The following CBFA2T2 variants were observed in gnomAD, a reference collection of about 807,000 sequenced individuals.
The protein encoded by CBFA2T2 is CBFA2/RUNX1 partner transcriptional co-repressor 2.
Under a neutral mutation model 62.2 loss-of-function variants are expected in CBFA2T2, and 11 were observed. The observed-to-expected ratio is 0.18, with a 90% CI of 0.11 to 0.29. The LOEUF is 0.29. CBFA2T2 is among the 10% of genes least tolerant of loss of function. The pLI is 1.00. For missense variants in CBFA2T2, 592 were observed against 774.1 expected, an observed-to-expected ratio of 0.76 and a Z score of 2.79; for synonymous variants, 295 against 287.5, an observed-to-expected ratio of 1.03 and a Z score of -0.27.
At chr20:33,558,613 C>T (rs966390862) in intron 1 of CBFA2T2, among the ~76,000 whole-genome samples, 2 of 151,950 alleles carry the variant, frequency 1.3e-5, no homozygotes, top group African/African-American at 2.4e-5. Context: ...TTTGCTCAAT[C>T]GTATTGTTTT....
At chr20:33,634,737 A>T (rs1344004479) in intron 8 of CBFA2T2, among the ~76,000 whole-genome samples, 1 of 151,708 alleles carries the variant, frequency 6.6e-6, no homozygotes, top group African/African-American at 2.4e-5. Context: ...ATAAGCAGGC[A>T]AGTTTGGGAA....
At chr20:33,531,727 C>T (rs1049934096) in intron 1 of CBFA2T2, among the ~76,000 whole-genome samples, 1 of 152,200 alleles carries the variant, frequency 6.6e-6, no homozygotes, top group Non-Finnish European at 1.5e-5. Context: ...TTTTCTGAAT[C>T]AGACATTGTG....
rs1190380838 is a variant in CBFA2T2, at chr20:33,649,929, CTG to C, written c.*5286_*5287del. 1 of 152,610 alleles carries C rather than the reference CTG, an allele frequency of 6.6e-6. No homozygotes were observed. Among genetic ancestry groups the C allele is most frequent in the East Asian group, 1.9e-4 (1 of 5,204 alleles). The allele number at this position is 152,610 out of a possible 1,614,324, so 9.5% of individuals were successfully genotyped here. ...TGATAGGAATTTTTGTTACCTAACT[CTG>C]TGCATAACTTATTTAATGTACTGTA... On this transcript the variant is annotated 3_prime_UTR_variant, in exon 11 of 11. Coordinates refer to ENST00000342704, the MANE Select transcript of CBFA2T2 (RefSeq NM_001032999.3).
intron 3 of CBFA2T2, among the ~76,000 whole-genome samples, chr20:33,613,062 G>C (rs2015585145): frequency 6.6e-6 from 1 of 152,212 alleles, no homozygotes; most frequent in Non-Finnish European, 1.5e-5. Flanking sequence ...GACAGAGTGA[G>C]ACCCTATCTC....
At chr20:33,579,134 G>A (rs1036674263) in intron 1 of CBFA2T2, among the ~76,000 whole-genome samples, 1 of 145,258 alleles carries the variant, frequency 6.9e-6, no homozygotes, top group Non-Finnish European at 1.5e-5. Context: ...TTTTTTTAAG[G>A]AAAGCGTCTC....
Position 33,644,469 on chromosome 20 carries a change from C to A in CBFA2T2, c.1611C>A (p.Asn537Lys). 6.2e-7 allele frequency: 1 copy of A among 1,614,236 alleles called. No individual in the cohort carries two copies. The highest frequency in any genetic ancestry group is 8.5e-7 in the Non-Finnish European group (1 of 1,180,050). ...GGCACCACCGCCTCTGTGGTCAGAA[C>A]CTGCATGGCCAGAGCCCCCACGGCC... ...WERHHRLCGQNLHGQSPHGQG... is the reference protein window; with the variant it reads ...WERHHRLCGQKLHGQSPHGQG... The change falls in exon 11 of 11, where the codon AAC (asparagine) becomes AAA (lysine). Residue 537 changes from asparagine (N) to lysine (K), a missense_variant. Coordinates refer to ENST00000342704, the MANE Select transcript of CBFA2T2 (RefSeq NM_001032999.3).
intron 1 of CBFA2T2, among the ~76,000 whole-genome samples, chr20:33,579,793 C>A (rs1464171806): frequency 6.7e-6 from 1 of 148,940 alleles, no homozygotes; most frequent in Non-Finnish European, 1.5e-5. Flanking sequence ...CTTGGTACAT[C>A]TTGGTGTCTC....
At chr20:33,513,170 A>G (rs528147193) in intron 1 of CBFA2T2, among the ~76,000 whole-genome samples, 2 of 152,286 alleles carry the variant, frequency 1.3e-5, no homozygotes, top group Non-Finnish European at 2.9e-5. Flanking sequence ...GAGTTGTTCT[A>G]TCAGCCAATG....
Position 33,621,287 on chromosome 20 carries a change from C to CTTTTTTTTTTTTTTTTTTTTTTTTTT in CBFA2T2, c.510+1682_510+1707dup, listed in dbSNP as rs199805350. 8.8e-4 allele frequency among the ~76,000 whole-genome samples: 75 copies of CTTTTTTTTTTTTTTTTTTTTTTTTTT among 85,294 alleles called. 8 individuals carry two copies. Among genetic ancestry groups the CTTTTTTTTTTTTTTTTTTTTTTTTTT allele is most frequent in the East Asian group, 5.4e-3 (13 of 2,416 alleles). The allele number at this position is 85,294 out of a possible 152,430, so 56.0% of individuals were successfully genotyped here. A position where few individuals can be genotyped will look rare whatever the true frequency, so the allele number is the denominator to read the frequency against. ...TCTATAATACCTTTAATTTTACTGC[C>CTTTTTTTTTTTTTTTTTTTTTTTTTT]TTTTTTTTTTTTTTTTTTTTTTTTT... is the stretch of plus-strand genomic sequence containing the variant. On this transcript the variant is annotated intron_variant, in intron 4 of 10. Transcript: ENST00000342704.
intron 1 of CBFA2T2, among the ~76,000 whole-genome samples, chr20:33,495,784 A>G (rs549581389): frequency 1.1e-3 from 161 of 152,210 alleles, no homozygotes; most frequent in Non-Finnish European, 2.0e-3. Context: ...CTGGGAACCA[A>G]TCCTAACAAG....
chr20:33,563,853 G>C (rs2013182540), intron 1 of CBFA2T2, among the ~76,000 whole-genome samples: 1 of 152,096 alleles, frequency 6.6e-6, no homozygotes, highest in African/African-American at 2.4e-5. Context: ...TGTAGTTCTA[G>C]TTTTCAGGGC....
chr20:33,537,780 C>T (rs561498068), intron 1 of CBFA2T2, among the ~76,000 whole-genome samples: 75 of 152,024 alleles, frequency 4.9e-4, no homozygotes, highest in East Asian at 1.9e-4. Flanking sequence ...TGTCCTTGTA[C>T]CTTTGTCAAA....
intron 3 of CBFA2T2, 42 bp from the exon 4 acceptor site, chr20:33,619,475 A>G: frequency 8.7e-7 from 1 of 1,147,682 alleles, no homozygotes; most frequent in South Asian, 1.6e-5. Flanking sequence ...AAGTTTTGGA[A>G]GTCCAGTTTT....
At chr20:33,500,105 C>T (rs1382541955) in intron 1 of CBFA2T2, among the ~76,000 whole-genome samples, 1 of 151,952 alleles carries the variant, frequency 6.6e-6, no homozygotes, top group Non-Finnish European at 1.5e-5. Context: ...CTACAGGCGC[C>T]CGTCACCACA....
intron 1 of CBFA2T2, among the ~76,000 whole-genome samples, chr20:33,603,898 A>G (rs190497754): frequency 2.4e-4 from 36 of 152,316 alleles, no homozygotes; most frequent in Middle Eastern, 6.8e-3. Flanking sequence ...GGGACTTACT[A>G]TAATCCTGTG....
At chr20:33,501,630 C>CTTTTTTTTTTTTTTTTT (rs869281966) in intron 1 of CBFA2T2, among the ~76,000 whole-genome samples, 2 of 63,256 alleles carry the variant, frequency 3.2e-5, no homozygotes, top group African/African-American at 1.4e-4. Flanking sequence ...CTTAGCCTTC[C>CTTTTTTTTTTTTTTTTT]TTTTTTTTTT....
rs533907389 is a variant in CBFA2T2, at chr20:33,631,608, A to G, written c.1228+1694A>G. On this transcript the variant is annotated intron_variant, in intron 8 of 10. Transcript: ENST00000342704. The stretch of plus-strand genomic sequence containing the variant: ...TGGAGTCATTTAAACATGGCTATGC[A>G]TGACCACTACTCACCTTTCTCACCT... Among the ~76,000 whole-genome samples, 8 of 150,578 alleles carry G rather than the reference A, an allele frequency of 5.3e-5. No homozygotes were observed. The South Asian group carries it at 1.7e-3, about 31-fold the overall frequency.
intron 1 of CBFA2T2, among the ~76,000 whole-genome samples, chr20:33,541,814 A>T (rs540280146): frequency 6.6e-6 from 1 of 152,222 alleles, no homozygotes; most frequent in South Asian, 2.1e-4. Flanking sequence ...TGTGTTATGC[A>T]TACATTTATC....
intron 1 of CBFA2T2, among the ~76,000 whole-genome samples, chr20:33,519,202 G>T (rs576685193): frequency 6.6e-6 from 1 of 152,280 alleles, no homozygotes; most frequent in East Asian, 1.9e-4. Flanking sequence ...GGGCACCATG[G>T]TTCATGCTTG....
Sources: allele counts gnomAD v4.1 joint callset (sites outside exome capture counted in the v4.1 genomes callset), GRCh38; gene constraint gnomAD v4.1.1; transcripts MANE v1.5; gene names NCBI Gene and HGNC (gene_info 2026-07-23, HGNC 2026-07-21).